The following COL12A1 variants were observed in gnomAD, a reference collection of about 807,000 sequenced individuals.
COL12A1 encodes collagen type XII alpha 1 chain, also known as collagen alpha-1(XII) chain.
Under a neutral mutation model 349.7 loss-of-function variants are expected in COL12A1, and 114 were observed. That is an observed-to-expected ratio of 0.33 (90% CI 0.28 to 0.38). The LOEUF is 0.38. Among genes scored for constraint, COL12A1 ranks in the 10% least tolerant of loss-of-function variants. The pLI is 1.00. For missense variants in COL12A1, 3,284 were observed against 3,756.9 expected (o/e 0.87, Z 3.29); for synonymous variants, 1,369 against 1,329.0 (o/e 1.03, Z -0.66).
intron 54 of COL12A1, 152 bp from the exon 55 acceptor site, chr6:75,103,962 A>T: frequency 1.8e-6 from 1 of 547,842 alleles, no homozygotes; most frequent in Non-Finnish European, 3.2e-6. Context: ...ATGTCATACA[A>T]ATATGCGAGG....
At position 75,102,001 on chromosome 6, in the gene COL12A1, T is replaced by A. The variant is rs768691372; in HGVS notation, c.8467A>T (p.Thr2823Ser). 1.2e-6 allele frequency: 2 copies of A among 1,614,208 alleles called. No homozygotes were observed. The highest frequency in any genetic ancestry group is 1.7e-6 in the Non-Finnish European group (2 of 1,180,016). The part of the protein sequence containing the change: ...DAGEPGLPGR[T>S]GTPGLPGPPG... Reference sequence around the variant, plus strand: ...GGGCAACTTAGAGACCAACTCACTGTTCGGCCTGGAAGTCCTGGCTCTCCA... The same window carrying A: ...GGGCAACTTAGAGACCAACTCACTGATCGGCCTGGAAGTCCTGGCTCTCCA... The change falls in exon 57 of 66, where the codon ACA becomes TCA. Residue 2823 changes from threonine (T) to serine (S), a missense_variant and splice_region_variant. Physicochemically the swap from Thr to Ser is moderately conservative, Grantham distance 58 (BLOSUM62 1). This residue lies in a region of COL12A1 where 683 missense variants were observed against 932.1 expected (regional missense o/e 0.73). Transcript: ENST00000322507.
chr6:75,152,582 T>C lies in COL12A1; in HGVS notation c.3566-100A>G, dbSNP rs113988474. 5.9e-4 allele frequency: 804 copies of C among 1,352,560 alleles called. 1 individual carries two copies. In the African/African-American group the frequency reaches 0.011, roughly 18 times the overall value. 83.8% of individuals were successfully genotyped at this position (1,352,560 alleles called of 1,614,324 possible). On this transcript the variant is annotated intron_variant, in intron 17 of 65. Transcript: ENST00000322507. Reference sequence around the variant, plus strand: ...CACTCCCTGGATCCTCAGTGTTGCCTGTCTCAGTACTATGGTCTAGCTCAG... The same window carrying C: ...CACTCCCTGGATCCTCAGTGTTGCCCGTCTCAGTACTATGGTCTAGCTCAG...
At chr6:75,091,252 G>A in intron 62 of COL12A1, 71 bp downstream of exon 62, 2 of 1,285,154 alleles carry the variant, frequency 1.6e-6, no homozygotes, top group Non-Finnish European at 2.2e-6. Context: ...GAAACTTCAT[G>A]ACTCAAACTC....
chr6:75,109,755 C>T (rs368603855), intron 51 of COL12A1, among the ~76,000 whole-genome samples: 8 of 152,108 alleles, frequency 5.3e-5, no homozygotes, highest in African/African-American at 1.4e-4. Flanking sequence ...ATTTATTTTT[C>T]GTTTGCTACT....
chr6:75,142,258 A>G, intron 26 of COL12A1, 97 bp from the exon 27 acceptor site: 2 of 1,422,792 alleles, frequency 1.4e-6, no homozygotes, highest in South Asian at 1.3e-5. Context: ...AGAATATAAA[A>G]TTGTGATCAG....
intron 34 of COL12A1, among the ~76,000 whole-genome samples, chr6:75,132,903 A>G (rs1766379501): frequency 6.6e-6 from 1 of 152,202 alleles, no homozygotes; most frequent in Non-Finnish European, 1.5e-5. Flanking sequence ...AAACAAACCA[A>G]AGACATATGA....
intron 23 of COL12A1, among the ~76,000 whole-genome samples, chr6:75,146,638 T>C (rs1767208601): frequency 6.6e-6 from 1 of 152,176 alleles, no homozygotes; most frequent in Non-Finnish European, 1.5e-5. Context: ...TTTATATTTC[T>C]TCAAAAAATA....
At chr6:75,144,916 C>A (rs1562216343) in intron 25 of COL12A1, among the ~76,000 whole-genome samples, 1 of 152,146 alleles carries the variant, frequency 6.6e-6, no homozygotes, top group Admixed American at 6.5e-5. Flanking sequence ...GATATTAAAC[C>A]CAATGTCTTC....
At chr6:75,093,520 G>T (rs2149331528) in intron 60 of COL12A1, among the ~76,000 whole-genome samples, 1 of 152,270 alleles carries the variant, frequency 6.6e-6, no homozygotes, top group East Asian at 1.9e-4. Context: ...GAGGAAATTT[G>T]CTACTTTTGA....
chr6:75,177,699 C>G lies in COL12A1; in HGVS notation c.2401G>C (p.Gly801Arg), dbSNP rs1406213089. ...SVIPEYFSGP[G>R]TPLTGNAATE... The stretch of plus-strand genomic sequence containing the variant: ...GCTGCATTTCCAGTTAATGGAGTAC[C>G]AGGTCCTGAGAAATATTCAGGAATT... Residue 801 changes from glycine to arginine, a missense_variant, in exon 12 of 66, where the codon GGT (glycine) becomes CGT (arginine). Gly to Arg is a moderately radical substitution (Grantham distance 125, BLOSUM62 -2). Around this residue, in one of 2 missense-constraint regions of COL12A1, gnomAD observed 2,601 missense variants for 2,824.8 expected, o/e 0.92. Coordinates refer to ENST00000322507, the MANE Select transcript of COL12A1 (RefSeq NM_004370.6). 6.2e-7 allele frequency: 1 copy of G among 1,613,896 alleles called. No individual in the cohort carries two copies. Among genetic ancestry groups the G allele is most frequent in the Non-Finnish European group, 8.5e-7 (1 of 1,180,002 alleles).
intron 21 of COL12A1, among the ~76,000 whole-genome samples, 182 bp downstream of exon 21, chr6:75,150,959 C>T (rs1382435431): frequency 1.3e-5 from 2 of 152,046 alleles, no homozygotes; most frequent in Non-Finnish European, 2.9e-5. Flanking sequence ...TGGCAACAAC[C>T]GAAGATCTTT....
chr6:75,121,510 T>A, intron 43 of COL12A1, 69 bp from the exon 44 acceptor site: 1 of 1,454,810 alleles, frequency 6.9e-7, no homozygotes, highest in Non-Finnish European at 9.1e-7. Context: ...AATCACATAA[T>A]TGAAAATGCA....
At chr6:75,192,187 T>A (rs761670074) in intron 4 of COL12A1, 25 bp downstream of exon 4, 148 of 1,429,122 alleles carry the variant, frequency 1.0e-4, no homozygotes, top group Admixed American at 2.6e-4. Flanking sequence ...ATTATACAAA[T>A]ATTTTATTTT....
At chr6:75,130,789 A>G (rs1041927274) in intron 36 of COL12A1, 63 bp downstream of exon 36, 16 of 1,598,280 alleles carry the variant, frequency 1.0e-5, no homozygotes, top group Middle Eastern at 1.8e-4. Context: ...CACTCATTCA[A>G]TCAGAGAAGC....
chr6:75,167,388 T>A (rs1768366888), intron 13 of COL12A1, among the ~76,000 whole-genome samples: 3 of 152,172 alleles, frequency 2.0e-5, no homozygotes. Context: ...ACAGCTGTTG[T>A]GAAATGACCT....
intron 65 of COL12A1, 85 bp downstream of exon 65, chr6:75,087,492 G>A (rs2149322497): frequency 7.4e-7 from 1 of 1,349,774 alleles, no homozygotes; most frequent in Non-Finnish European, 1.0e-6. Flanking sequence ...CTTCAAATCA[G>A]CCTTCCTTCA....
chr6:75,183,223 G>A lies in COL12A1; in HGVS notation c.1718C>T (p.Ala573Val). Residue 573 changes from alanine (A) to valine (V), a missense_variant, in exon 10 of 66, where the codon GCA (alanine) becomes GTA (valine). Physicochemically the swap from Ala to Val is moderately conservative, Grantham distance 64. Around this residue, in one of 2 missense-constraint regions of COL12A1, gnomAD observed 2,601 missense variants for 2,824.8 expected, o/e 0.92. Transcript: ENST00000322507. ...KLRNSDVEIF[A>V]VGVKDAVRSE... is the part of the protein sequence containing the mutation. ...GCGAACGGCATCCTTCACACCAACTGCAAAGATTTCAACATCTGAATTCCT... is the reference window on the plus strand; with the variant it reads ...GCGAACGGCATCCTTCACACCAACTACAAAGATTTCAACATCTGAATTCCT... 6.2e-7 allele frequency: 1 copy of A among 1,614,166 alleles called. No homozygotes were observed. Among genetic ancestry groups the A allele is most frequent in the Non-Finnish European group, 8.5e-7 (1 of 1,180,022 alleles).
At chr6:75,201,421 T>C (rs1386282756) in intron 2 of COL12A1, among the ~76,000 whole-genome samples, 1 of 152,192 alleles carries the variant, frequency 6.6e-6, no homozygotes, top group Non-Finnish European at 1.5e-5. Context: ...GGAAACACTC[T>C]GCTTCCCCTA....
intron 1 of COL12A1, among the ~76,000 whole-genome samples, chr6:75,205,212 C>A (rs1739373040): frequency 1.3e-5 from 2 of 149,504 alleles, no homozygotes; most frequent in South Asian, 2.2e-4. Context: ...TGCTGCCTAA[C>A]CCACCATCTC....
Sources: allele counts gnomAD v4.1 joint callset (sites outside exome capture counted in the v4.1 genomes callset), GRCh38; gene constraint gnomAD v4.1.1; regional missense constraint gnomAD v4.1.1; transcripts MANE v1.5; gene names NCBI Gene and HGNC (gene_info 2026-07-23, HGNC 2026-07-21).